The following ATP13A4 variants were observed in gnomAD, a reference collection of about 807,000 sequenced individuals.
ATP13A4 encodes the protein probable cation-transporting ATPase 13A4.
Under a neutral mutation model 142.5 loss-of-function variants are expected in ATP13A4, and 114 were observed. The ratio of observed to expected loss-of-function variants is 0.80; its 90% CI spans 0.69 to 0.93. ATP13A4 has a LOEUF of 0.93. Ranked by LOEUF, ATP13A4 falls within the 40% of genes least tolerant of loss-of-function variation. The probability of loss-of-function intolerance (pLI) is 0.00; values close to 1 mark genes in which losing one functional copy is unlikely to be tolerated. For synonymous variants in ATP13A4, 488 were observed against 514.8 expected (o/e 0.95, Z 0.70); for missense variants, 1,392 against 1,454.0 (o/e 0.96, Z 0.69).
At chr3:193,518,074 T>G (rs1347740819) in intron 1 of ATP13A4, among the ~76,000 whole-genome samples, 2 of 152,220 alleles carry the variant, frequency 1.3e-5, no homozygotes, top group Non-Finnish European at 2.9e-5. Flanking sequence ...CCCAGTTATT[T>G]TCACATAAAA....
chr3:193,407,815 C>A (rs771516981), intron 28 of ATP13A4, among the ~76,000 whole-genome samples: 3 of 152,182 alleles, frequency 2.0e-5, no homozygotes, highest in Non-Finnish European at 4.4e-5. Flanking sequence ...CCTGATGGTA[C>A]CCATGTCAAA....
chr3:193,486,040 T>C (rs1719597101), intron 7 of ATP13A4, among the ~76,000 whole-genome samples: 1 of 150,214 alleles, frequency 6.7e-6, no homozygotes, highest in South Asian at 2.1e-4. Context: ...AAAATACAGT[T>C]GTCTTTAAAT....
intron 23 of ATP13A4, 66 bp from the exon 24 acceptor site, chr3:193,435,810 G>A (rs1332469597): frequency 2.6e-5 from 35 of 1,369,388 alleles, no homozygotes; most frequent in Non-Finnish European, 3.6e-5. Flanking sequence ...GTCATTCTGT[G>A]CTGTTCAGCT....
intron 1 of ATP13A4, among the ~76,000 whole-genome samples, chr3:193,526,560 C>A (rs1462897526): frequency 6.6e-6 from 1 of 152,028 alleles, no homozygotes; most frequent in Non-Finnish European, 1.5e-5. Flanking sequence ...CTATGGCACA[C>A]GTATATCTAC....
intron 1 of ATP13A4, among the ~76,000 whole-genome samples, chr3:193,527,371 T>TG (rs1319929259): frequency 1.3e-5 from 2 of 151,954 alleles, no homozygotes; most frequent in Admixed American, 6.5e-5. Context: ...CCCAGCACTA[T>TG]GGGGGGGCCA....
At chr3:193,515,915 GTGATTTT>G (rs2108686175) in intron 1 of ATP13A4, among the ~76,000 whole-genome samples, 2 of 152,338 alleles carry the variant, frequency 1.3e-5, no homozygotes, top group South Asian at 4.1e-4. Context: ...TACTGGGCGT[GTGATTTT>G]TCAGTACATT....
In ATP13A4 at chr3:193,591,395, G is replaced by T. The variant is rs143481469; in HGVS notation, n.91+1626C>A. On this transcript the variant is annotated intron_variant and non_coding_transcript_variant, in intron 1 of 3. Coordinates refer to the ATP13A4 transcript ENST00000489140. The stretch of plus-strand genomic sequence containing the variant: ...ACACTGTCTAAACCAAACAAAACAG[G>T]TCTGTGGGCTGAATTTGGTCCAATG... Among the ~76,000 whole-genome samples, 542 of 152,330 alleles carry T rather than the reference G, an allele frequency of 3.6e-3. 5 individuals carry two copies. Among genetic ancestry groups the T allele is most frequent in the African/African-American group, 0.013 (522 of 41,562 alleles).
At chr3:193,413,518 T>G (rs146641961) in intron 26 of ATP13A4, among the ~76,000 whole-genome samples, 1 of 152,172 alleles carries the variant, frequency 6.6e-6, no homozygotes, top group Admixed American at 6.5e-5. Flanking sequence ...TAAATGGACA[T>G]GCAAGTAGGG....
chr3:193,483,943 C>T lies in ATP13A4; in HGVS notation c.801G>A (p.Gly267=), dbSNP rs751171848. ...TAAAATAATGGAACTTACCTTTTCTCCCACATACAGAGACCGTAATGCTAT... is the reference window on the plus strand; with the variant it reads ...TAAAATAATGGAACTTACCTTTTCTTCCACATACAGAGACCGTAATGCTAT... The part of the protein sequence containing the change: ...SHNSITVSVC[G]RKAGVQELES... Residue 267 remains glycine (G), a synonymous_variant, in exon 8 of 30, where the codon GGG becomes GGA. Coordinates refer to ENST00000342695, the MANE Select transcript of ATP13A4 (RefSeq NM_032279.4). 1.3e-6 allele frequency: 2 copies of T among 1,598,298 alleles called. No homozygotes were observed. Among genetic ancestry groups the T allele is most frequent in the Admixed American group, 1.7e-5 (1 of 59,978 alleles).
upstream of ATP13A4, among the ~76,000 whole-genome samples, chr3:193,559,928 A>G (rs900836662): frequency 6.6e-6 from 1 of 152,236 alleles, no homozygotes; most frequent in Non-Finnish European, 1.5e-5. Context: ...AAAATCCAAA[A>G]GAGATGGTCC....
upstream of ATP13A4, among the ~76,000 whole-genome samples, chr3:193,556,493 A>ATGTG (rs201649566): frequency 1.1e-4 from 16 of 149,242 alleles, no homozygotes; most frequent in East Asian, 3.9e-4. Flanking sequence ...GTGTGTGTGT[A>ATGTG]TGTGTGTGTG....
intron 1 of ATP13A4, among the ~76,000 whole-genome samples, chr3:193,590,357 G>A (rs1237800888): frequency 6.6e-6 from 1 of 152,168 alleles, no homozygotes; most frequent in East Asian, 1.9e-4. Context: ...CATAAGTCTC[G>A]ATGGGGTGAG....
At position 193,576,249 on chromosome 3, in the gene ATP13A4, C is replaced by CTTTTTTTTT. The variant is rs59910562; in HGVS notation, n.291+5449_291+5457dup. Reference sequence around the variant, plus strand: ...TCCATGGAATGTGGCTTGAATCAATCTTTTTTTTTTTTTTTTTTTTTTTTT... The same window carrying CTTTTTTTTT: ...TCCATGGAATGTGGCTTGAATCAATCTTTTTTTTTTTTTTTTTTTTTTTTTTTTTTTTTT... On this transcript the variant is annotated intron_variant and non_coding_transcript_variant, in intron 2 of 3. Coordinates refer to the ATP13A4 transcript ENST00000489140. Among the ~76,000 whole-genome samples, 43 of 54,398 alleles carry CTTTTTTTTT rather than the reference C, an allele frequency of 7.9e-4. 8 individuals carry two copies. The highest frequency in any genetic ancestry group is 1.0e-3 in the Non-Finnish European group (31 of 30,066). The allele number at this position is 54,398 out of a possible 152,430, so 35.7% of individuals were successfully genotyped here.
At chr3:193,424,926 T>G (rs1003243641) in intron 25 of ATP13A4, among the ~76,000 whole-genome samples, 1 of 148,158 alleles carries the variant, frequency 6.7e-6, no homozygotes, top group Non-Finnish European at 1.5e-5. Context: ...AACTATGCAG[T>G]ATAATAAAAT....
At chr3:193,461,396 C>T (rs1717936321) in intron 13 of ATP13A4, among the ~76,000 whole-genome samples, 1 of 152,142 alleles carries the variant, frequency 6.6e-6, no homozygotes, top group Admixed American at 6.5e-5. Context: ...AACAAATGTA[C>T]ACATATTTTG....
At chr3:193,462,913 G>C (rs1718037884) in intron 12 of ATP13A4, 90 bp from the exon 13 acceptor site, 15 of 1,304,250 alleles carry the variant, frequency 1.2e-5, no homozygotes, top group Admixed American at 1.8e-5. Context: ...GGGAGGCGGA[G>C]GCAAGAGGAT....
chr3:193,407,108 C>T (rs573731475), intron 29 of ATP13A4, among the ~76,000 whole-genome samples: 11 of 152,248 alleles, frequency 7.2e-5, no homozygotes, highest in East Asian at 5.8e-4. Flanking sequence ...CATTCTCCCC[C>T]GCCCTACTTG....
intron 1 of ATP13A4, among the ~76,000 whole-genome samples, chr3:193,535,919 T>C (rs1220158704): frequency 6.6e-6 from 1 of 152,046 alleles, no homozygotes; most frequent in Non-Finnish European, 1.5e-5. Context: ...CACAAACTAT[T>C]ACAACTTCAC....
At chr3:193,437,520 C>A (rs932200997) in intron 23 of ATP13A4, among the ~76,000 whole-genome samples, 4 of 152,046 alleles carry the variant, frequency 2.6e-5, no homozygotes, top group Admixed American at 6.6e-5. Context: ...AAAATTAATT[C>A]TAAGACAATC....
Sources: allele counts gnomAD v4.1 joint callset (sites outside exome capture counted in the v4.1 genomes callset), GRCh38; gene constraint gnomAD v4.1.1; transcripts MANE v1.5; gene names NCBI Gene and HGNC (gene_info 2026-07-23, HGNC 2026-07-21).